NAV3: variants seen among roughly 807,000 people sequenced by gnomAD.
The protein encoded by NAV3 is neuron navigator 3.
Under a neutral mutation model 244.7 loss-of-function variants are expected in NAV3, and 87 were observed. That is an observed-to-expected ratio of 0.36 (90% CI 0.30 to 0.42). The LOEUF (loss-of-function observed/expected upper bound fraction) is 0.42. NAV3 is among the 20% of genes least tolerant of loss of function. The pLI is 1.00. For missense variants in NAV3, 2,663 were observed against 2,893.3 expected (o/e 0.92, Z 1.83); for synonymous variants, 1,126 against 1,042.2 (o/e 1.08, Z -1.55).
chr12:78,148,845 A>T lies in NAV3; in HGVS notation c.4711A>T (p.Ile1571Phe), dbSNP rs768910698. The stretch of plus-strand genomic sequence containing the variant: ...TGATTTTTTTAATTGCATTCAGCAA[A>T]TCCATAAACTGCGGAGAGAGCTGGT... Reference protein sequence around the residue: ...TAEEKAHSEQIHKLRRELVAS... With the variant: ...TAEEKAHSEQFHKLRRELVAS... The change falls in exon 22 of 40, where the codon ATC becomes TTC. Residue 1571 changes from isoleucine to phenylalanine, a missense_variant. By Grantham distance (21) the Ile-to-Phe change is conservative (BLOSUM62 0). Around this residue, in one of 6 missense-constraint regions of NAV3, gnomAD observed 48 missense variants for 90.0 expected, o/e 0.53. Transcript: ENST00000397909. The T allele has an allele frequency of 6.2e-7, 1 of 1,612,010 alleles. No individual in the cohort carries two copies. Among genetic ancestry groups the T allele is most frequent in the Non-Finnish European group, 8.5e-7 (1 of 1,178,954 alleles).
chr12:78,030,922 T>C (rs938927449), intron 9 of NAV3, among the ~76,000 whole-genome samples: 3 of 152,194 alleles, frequency 2.0e-5, no homozygotes, highest in Middle Eastern at 3.2e-3. Flanking sequence ...TTTGTAAAAT[T>C]GGGCATTTCT....
intron 1 of NAV3, among the ~76,000 whole-genome samples, chr12:77,905,653 T>G (rs774651502): frequency 6.6e-6 from 1 of 152,194 alleles, no homozygotes; most frequent in Non-Finnish European, 1.5e-5. Context: ...TTAATGCATT[T>G]CTTACTCTTG....
At chr12:78,032,968 C>T (rs764588189) in intron 9 of NAV3, among the ~76,000 whole-genome samples, 29 of 152,096 alleles carry the variant, frequency 1.9e-4, no homozygotes, top group Admixed American at 6.5e-5. Context: ...TAATTCACTT[C>T]TTAACCTTTA....
chr12:77,880,415 C>T (rs1200157476), intron 1 of NAV3, among the ~76,000 whole-genome samples: 2 of 152,176 alleles, frequency 1.3e-5, no homozygotes, highest in East Asian at 3.9e-4. Flanking sequence ...ATAAAACCTG[C>T]AAGTAAGCAG....
intron 34 of NAV3, among the ~76,000 whole-genome samples, chr12:78,193,077 G>C (rs189864139): frequency 6.6e-6 from 1 of 152,152 alleles, no homozygotes; most frequent in African/African-American, 2.4e-5. Context: ...AAATGCTGAC[G>C]CATTTTATGC....
intron 12 of NAV3, among the ~76,000 whole-genome samples, chr12:78,105,898 T>C (rs1954777753): frequency 6.6e-6 from 1 of 151,612 alleles, no homozygotes; most frequent in African/African-American, 2.4e-5. Context: ...TTTTATATTT[T>C]ATGATATTCA....
chr12:77,654,932 G>T (rs1389263107), intron 2 of NAV3, among the ~76,000 whole-genome samples: 3 of 151,776 alleles, frequency 2.0e-5, no homozygotes, highest in Non-Finnish European at 4.4e-5. Context: ...CAAACAGAAA[G>T]GACATCCACA....
At chr12:78,097,510 T>A (rs1287515585) in intron 12 of NAV3, among the ~76,000 whole-genome samples, 1 of 152,194 alleles carries the variant, frequency 6.6e-6, no homozygotes, top group Non-Finnish European at 1.5e-5. Flanking sequence ...GATATTCACT[T>A]ACTGAAGTGC....
At chr12:78,095,104 T>TAC (rs1394252883) in intron 12 of NAV3, among the ~76,000 whole-genome samples, 1 of 144,990 alleles carries the variant, frequency 6.9e-6, no homozygotes, top group Non-Finnish European at 1.5e-5. Context: ...TATATACACA[T>TAC]ATATATATAC....
intron 20 of NAV3, among the ~76,000 whole-genome samples, chr12:78,141,963 TA>T (rs909628626): frequency 5.3e-5 from 8 of 151,778 alleles, no homozygotes; most frequent in African/African-American, 1.9e-4. Flanking sequence ...TCATGAAACC[TA>T]AGAAAAACTA....
At chr12:78,171,024 C>G (rs1957978433) in intron 24 of NAV3, among the ~76,000 whole-genome samples, 1 of 151,624 alleles carries the variant, frequency 6.6e-6, no homozygotes, top group Non-Finnish European at 1.5e-5. Context: ...TTGCATGTAA[C>G]AGGGGTTTAT....
chr12:78,049,950 A>G, intron 9 of NAV3, 43 bp from the exon 10 acceptor site: 1 of 1,379,002 alleles, frequency 7.3e-7, no homozygotes, highest in Non-Finnish European at 1.0e-6. Flanking sequence ...TTTTGAGGAT[A>G]CTAAATGTCA....
At chr12:77,999,420 TG>T (rs1227100336) in intron 7 of NAV3, among the ~76,000 whole-genome samples, 3 of 152,250 alleles carry the variant, frequency 2.0e-5, no homozygotes, top group African/African-American at 7.2e-5. Context: ...TTCAACCATG[TG>T]GGAACGTTTT....
At chr12:78,094,851 A>G (rs933929114) in intron 12 of NAV3, among the ~76,000 whole-genome samples, 6 of 151,908 alleles carry the variant, frequency 3.9e-5, no homozygotes, top group East Asian at 1.9e-4. Flanking sequence ...GATTGAGACC[A>G]TCCTGGCCAA....
chr12:77,973,877 G>A lies in NAV3; in HGVS notation c.671+5175G>A, dbSNP rs185904924. On this transcript the variant is annotated intron_variant, in intron 5 of 39. Transcript: ENST00000397909. ...CCTTTAAAAAAAAAGTCAGTTAATC[G>A]ATTAAACTTTAAATAAAACAAAAAC... is the stretch of plus-strand genomic sequence containing the variant. 3.0e-3 allele frequency among the ~76,000 whole-genome samples: 451 copies of A among 151,946 alleles called. 2 individuals are homozygous for A. Among genetic ancestry groups the A allele is most frequent in the African/African-American group, 9.5e-3 (392 of 41,448 alleles).
intron 22 of NAV3, among the ~76,000 whole-genome samples, chr12:78,158,319 G>T (rs948928302): frequency 1.3e-5 from 2 of 152,112 alleles, no homozygotes; most frequent in Non-Finnish European, 2.9e-5. Flanking sequence ...TAATGTACTT[G>T]CAGTTCTACC....
intron 2 of NAV3, among the ~76,000 whole-genome samples, chr12:77,734,871 A>G (rs1255066887): frequency 6.6e-6 from 1 of 152,174 alleles, no homozygotes; most frequent in Non-Finnish European, 1.5e-5. Flanking sequence ...CAGAATTACT[A>G]CTGAAGGGCA....
At chr12:78,162,966 A>AT (rs1220857376) in intron 23 of NAV3, among the ~76,000 whole-genome samples, 1 of 136,992 alleles carries the variant, frequency 7.3e-6, no homozygotes, top group African/African-American at 2.7e-5. Flanking sequence ...TTATATATAT[A>AT]ATATATAATT....
At chr12:77,631,887 T>G (rs1346226013) in intron 2 of NAV3, among the ~76,000 whole-genome samples, 1 of 152,158 alleles carries the variant, frequency 6.6e-6, no homozygotes, top group Non-Finnish European at 1.5e-5. Flanking sequence ...ACCACCAAAA[T>G]GTACTGTTTG....
Sources: gnomAD v4.1 joint callset for allele counts (sites outside exome capture counted in the v4.1 genomes callset) on GRCh38, gnomAD v4.1.1 for gene constraint, gnomAD v4.1.1 regional missense constraint, MANE v1.5 for transcripts, NCBI Gene and HGNC (gene_info 2026-07-23, HGNC 2026-07-21) for gene names.